Variants in NRDC observed in about 807,000 individuals in gnomAD.
The protein encoded by NRDC is nardilysin convertase.
NRDC carries 54 observed loss-of-function variants against 147.1 expected under a neutral mutation model. That is an observed-to-expected ratio of 0.37 (90% CI 0.29 to 0.46). The LOEUF (loss-of-function observed/expected upper bound fraction) is 0.46. Among genes scored for constraint, NRDC ranks in the 20% least tolerant of loss-of-function variants. The pLI is 1.00. For missense variants in NRDC, 1,082 were observed against 1,370.6 expected, an observed-to-expected ratio of 0.79 and a Z score of 3.33; for synonymous variants, 440 against 482.1, an observed-to-expected ratio of 0.91 and a Z score of 1.14.
Position 51,878,577 on chromosome 1 carries a change from G to A in NRDC, c.39C>T (p.Thr13=), listed in dbSNP as rs1485133405. 6.2e-7 allele frequency: 1 copy of A among 1,613,168 alleles called. No individual in the cohort carries two copies. Among genetic ancestry groups the A allele is most frequent in the Non-Finnish European group, 8.5e-7 (1 of 1,179,732 alleles). ...RRVTVAAVCA[T]RRKLCEAGRE... ...GCCCGGCCTCACACAACTTCCTCCG[G>A]GTGGCACAGACTGCAGCAACAGTGA... is the stretch of plus-strand genomic sequence containing the variant. Residue 13 remains threonine (T), a synonymous_variant, in exon 1 of 31, where the codon ACC becomes ACT. Coordinates refer to ENST00000352171, the MANE Select transcript of NRDC (RefSeq NM_001101662.2).
chr1:51,821,389 A>C (rs1266499633), intron 8 of NRDC, 109 bp downstream of exon 8: 24 of 634,254 alleles, frequency 3.8e-5, no homozygotes, highest in Non-Finnish European at 5.7e-5. Flanking sequence ...TTAGGTCTTA[A>C]TTCTATCACC....
chr1:51,803,777 A>G lies in NRDC; in HGVS notation c.2313+37T>C, dbSNP rs771341988. ...ACCTCTAAATAAATATGGTATTTTA[A>G]TGCTCTCTATAAGGAAAACAGAGTA... On this transcript the variant is annotated intron_variant, in intron 20 of 30. Coordinates refer to ENST00000352171, the MANE Select transcript of NRDC (RefSeq NM_001101662.2). 3 of 1,543,478 alleles carry G rather than the reference A, an allele frequency of 1.9e-6. No homozygotes were observed. In the African/African-American group the frequency reaches 4.1e-5, roughly 21 times the overall value.
intron 24 of NRDC, among the ~76,000 whole-genome samples, chr1:51,793,515 CATT>C (rs1172597118): frequency 6.6e-6 from 1 of 152,170 alleles, no homozygotes; most frequent in Admixed American, 6.5e-5. Flanking sequence ...TCAAAGTACT[CATT>C]AAGAAGACTA....
intron 1 of NRDC, among the ~76,000 whole-genome samples, chr1:51,852,910 C>A (rs1464723899): frequency 6.6e-6 from 1 of 151,986 alleles, no homozygotes; most frequent in Non-Finnish European, 1.5e-5. Flanking sequence ...AATCTGAGGG[C>A]CCCTTTCAGA....
At chr1:51,848,299 C>A (rs1681756535) in intron 1 of NRDC, among the ~76,000 whole-genome samples, 1 of 152,144 alleles carries the variant, frequency 6.6e-6, no homozygotes, top group South Asian at 2.1e-4. Context: ...CACAGTGAAA[C>A]CCCGTCTCTA....
At chr1:51,807,054 TAG>T (rs113704919) in intron 17 of NRDC, 141 bp from the exon 18 acceptor site, 1 of 344,252 alleles carries the variant, frequency 2.9e-6, no homozygotes, top group Non-Finnish European at 4.1e-6. Context: ...ATTAAATTAG[TAG>T]ACCAATACCA....
At chr1:51,850,040 G>T (rs1018899514) in intron 1 of NRDC, among the ~76,000 whole-genome samples, 1 of 151,958 alleles carries the variant, frequency 6.6e-6, no homozygotes, top group Non-Finnish European at 1.5e-5. Context: ...TAGCCAGGTT[G>T]GTGGTGCGTG....
rs760876312 is a variant in NRDC, at chr1:51,790,947, A to C, written c.3004T>G (p.Phe1002Val). The C allele has an allele frequency of 4.3e-6, 7 of 1,613,944 alleles. No individual in the cohort carries two copies. Among genetic ancestry groups the C allele is most frequent in the Non-Finnish European group, 1.7e-6 (2 of 1,179,904 alleles). Residue 1002 changes from phenylalanine (F) to valine (V), a missense_variant, in exon 28 of 31, where the codon TTT becomes GTT. Phe to Val is a conservative substitution (Grantham distance 50, BLOSUM62 -1). This residue lies in a region of NRDC where 187 missense variants were observed against 193.6 expected (regional missense o/e 0.97). Transcript: ENST00000352171. The part of the protein sequence containing the change: ...DKKIEEFLSS[F>V]EEKIENLTEE... ...GTGAGGTTCTCAATCTTCTCCTCAA[A>C]GCTAGAAAGAAACTCTTCTATCTTC...
intron 2 of NRDC, among the ~76,000 whole-genome samples, chr1:51,838,549 G>C (rs1339529090): frequency 1.3e-5 from 2 of 152,130 alleles, no homozygotes; most frequent in Non-Finnish European, 2.9e-5. Context: ...GTATAGATAA[G>C]AAGTATTCAG....
At chr1:51,839,451 A>G (rs1681156921) in intron 2 of NRDC, among the ~76,000 whole-genome samples, 1 of 152,102 alleles carries the variant, frequency 6.6e-6, no homozygotes, top group African/African-American at 2.4e-5. Context: ...CATGTTGAAT[A>G]TATTATCAAT....
In NRDC at chr1:51,823,734, A is replaced by G. The variant is rs747179074; in HGVS notation, c.1089T>C (p.His363=). Residue 363 remains histidine, a synonymous_variant, in exon 7 of 31, where the codon CAT becomes CAC. Transcript: ENST00000352171. ...HEPRKNNIDT[H]ARLREFWMRY... is the part of the protein sequence containing the mutation. Reference sequence around the variant, plus strand: ...GCATCCAGAATTCTCTCAATCTAGCATGTGTATCAATATTATTCTTTCTTG... The same window carrying G: ...GCATCCAGAATTCTCTCAATCTAGCGTGTGTATCAATATTATTCTTTCTTG... The G allele has an allele frequency of 1.2e-6, 2 of 1,606,776 alleles. No individual in the cohort carries two copies. Among genetic ancestry groups the G allele is most frequent in the Non-Finnish European group, 1.7e-6 (2 of 1,173,774 alleles).
rs556556201 is a variant in NRDC, at chr1:51,811,699, C to T, written c.1779+295G>A. Among the ~76,000 whole-genome samples, 6 of 152,314 alleles carry T rather than the reference C, an allele frequency of 3.9e-5. No individual in the cohort carries two copies. The South Asian group carries it at 1.2e-3, about 32-fold the overall frequency. On this transcript the variant is annotated intron_variant, in intron 15 of 30. Coordinates refer to ENST00000352171, the MANE Select transcript of NRDC (RefSeq NM_001101662.2). Reference sequence around the variant, plus strand: ...CTACGTATTTTTCACAGGGAAACCACATAATTCTTAGGAATCACTTCATCT... The same window carrying T: ...CTACGTATTTTTCACAGGGAAACCATATAATTCTTAGGAATCACTTCATCT...
rs943635645 is a variant in NRDC at position 51,878,725 on chromosome 1, C to G, written c.-110G>C. ...TGCTGCCGCAGCCGCGGGGAACAGG[C>G]CTGAACCCCTCCCCCAACCCAGTCT... On this transcript the variant is annotated 5_prime_UTR_variant, in exon 1 of 31. Coordinates refer to ENST00000352171, the MANE Select transcript of NRDC (RefSeq NM_001101662.2). 1.1e-6 allele frequency: 1 copy of G among 919,760 alleles called. No individual in the cohort carries two copies. Among genetic ancestry groups the G allele is most frequent in the Non-Finnish European group, 1.6e-6 (1 of 616,208 alleles). 57.0% of individuals were successfully genotyped at this position (919,760 alleles called of 1,614,324 possible).
rs1678455738 is a variant in NRDC at position 51,789,423 on chromosome 1, T to C, written c.3269A>G (p.Tyr1090Cys). The part of the protein sequence containing the change: ...SKMLSVHVVG[Y>C]GKYELEEDGT... ...ATCCTCTTCCAGTTCATACTTCCCA[T>C]ATCCAACAACCTGAAAGAGGACAAA... The change falls in exon 31 of 31, where the codon TAT (tyrosine) becomes TGT (cysteine). Residue 1090 changes from tyrosine to cysteine, a missense_variant. Coordinates refer to ENST00000352171, the MANE Select transcript of NRDC (RefSeq NM_001101662.2). 2 of 1,614,074 alleles carry C rather than the reference T, an allele frequency of 1.2e-6. No individual in the cohort carries two copies. Among genetic ancestry groups the C allele is most frequent in the East Asian group, 2.2e-5 (1 of 44,882 alleles).
At chr1:51,836,539 G>A in intron 2 of NRDC, 1 of 1,001,578 alleles carries the variant, frequency 1.0e-6, no homozygotes, top group Non-Finnish European at 1.5e-6. Context: ...TCTGAACCAA[G>A]TTTTTTCCCT....
At chr1:51,816,736 G>T (rs1460297869) in intron 10 of NRDC, among the ~76,000 whole-genome samples, 1 of 152,156 alleles carries the variant, frequency 6.6e-6, no homozygotes, top group Non-Finnish European at 1.5e-5. Context: ...ATATAGGTAT[G>T]AATTACTGTC....
chr1:51,801,476 A>G lies in NRDC; in HGVS notation c.2314-793T>C, dbSNP rs577185717. Among the ~76,000 whole-genome samples, 4 of 151,952 alleles carry G rather than the reference A, an allele frequency of 2.6e-5. No homozygotes were observed. In the South Asian group the frequency reaches 8.3e-4, roughly 32 times the overall value. ...GCCTGGCTTCCATTTCTAAGTGATT[A>G]CTGGTACTATGGGGGAGAAAAAGCC... On this transcript the variant is annotated intron_variant, in intron 20 of 30. Coordinates refer to ENST00000352171, the MANE Select transcript of NRDC (RefSeq NM_001101662.2).
intron 10 of NRDC, among the ~76,000 whole-genome samples, chr1:51,816,655 A>C (rs746900426): frequency 6.6e-6 from 1 of 152,184 alleles, no homozygotes; most frequent in Non-Finnish European, 1.5e-5. Flanking sequence ...CACCAAACTT[A>C]TCTGCTCTCA....
intron 15 of NRDC, among the ~76,000 whole-genome samples, chr1:51,811,108 G>GAA (rs969025234): frequency 2.0e-5 from 3 of 152,052 alleles, no homozygotes; most frequent in African/African-American, 7.2e-5. Flanking sequence ...TGGTGGTTCA[G>GAA]AAAAAAACAC....
Sources: allele counts gnomAD v4.1 joint callset (sites outside exome capture counted in the v4.1 genomes callset), GRCh38; gene constraint gnomAD v4.1.1; regional missense constraint gnomAD v4.1.1; transcripts MANE v1.5; gene names NCBI Gene and HGNC (gene_info 2026-07-23, HGNC 2026-07-21).